The following BMPR1A variants were observed in gnomAD, a reference collection of about 807,000 sequenced individuals.
BMPR1A encodes the protein bone morphogenetic protein receptor type 1A, also known as bone morphogenetic protein receptor type-1A.
Under a neutral mutation model 66.0 loss-of-function variants are expected in BMPR1A, and 7 were observed. The ratio of observed to expected loss-of-function variants is 0.11; its 90% confidence interval spans 0.06 to 0.20. The LOEUF (loss-of-function observed/expected upper bound fraction) is 0.20. Ranked by LOEUF, BMPR1A falls within the 10% of genes least tolerant of loss-of-function variation. BMPR1A has a pLI of 1.00. For synonymous variants in BMPR1A, 200 were observed against 229.7 expected (o/e 0.87, Z 1.17); for missense variants, 408 against 669.1 (o/e 0.61, Z 4.31).
intron 2 of BMPR1A, chr10:86,855,905 T>G (rs571179942): frequency 9.1e-6 from 6 of 657,920 alleles, no homozygotes; most frequent in African/African-American, 1.8e-5. Context: ...CTTTTCAAAC[T>G]GGCTAGGATT....
chr10:86,795,416 G>GTTT (rs10536775), intron 1 of BMPR1A, among the ~76,000 whole-genome samples: 2 of 149,612 alleles, frequency 1.3e-5, no homozygotes. Flanking sequence ...AAAGTGATTT[G>GTTT]TTTTTTTTTT....
intron 7 of BMPR1A, among the ~76,000 whole-genome samples, chr10:86,902,475 T>C (rs1457395537): frequency 6.6e-6 from 1 of 152,148 alleles, no homozygotes; most frequent in Non-Finnish European, 1.5e-5. Context: ...AAGAACCCTA[T>C]CAGCCAGGTG....
chr10:86,855,876 T>A, intron 2 of BMPR1A: 1 of 714,782 alleles, frequency 1.4e-6, no homozygotes, highest in East Asian at 2.5e-5. Flanking sequence ...GAAGAACAAT[T>A]GCTAGAAGAT....
chr10:86,868,778 G>GTTTTTTTTTTTTTTTTTTTTT (rs55872033), intron 2 of BMPR1A, among the ~76,000 whole-genome samples: 1 of 141,038 alleles, frequency 7.1e-6, no homozygotes, highest in African/African-American at 2.6e-5. Context: ...CTTTTCCTGT[G>GTTTTTTTTTTTTTTTTTTTTT]TTTTTTTTTT....
chr10:86,931,812 C>T (rs533232135), downstream of BMPR1A: 12 of 152,032 alleles, frequency 7.9e-5, no homozygotes, highest in Non-Finnish European at 4.4e-5. Context: ...AATTTTCTCC[C>T]ATTATTTCTT....
intron 1 of BMPR1A, among the ~76,000 whole-genome samples, chr10:86,824,718 G>A (rs4934273): frequency 0.4 from 60,855 of 151,978 alleles, 12,821 homozygotes; most frequent in East Asian, 0.67. Flanking sequence ...GTGGGTGACA[G>A]TTGGGTTTTT....
chr10:86,903,454 G>A (rs1400862072), intron 7 of BMPR1A, among the ~76,000 whole-genome samples: 1 of 151,896 alleles, frequency 6.6e-6, no homozygotes, highest in Non-Finnish European at 1.5e-5. Flanking sequence ...TGAACATGAA[G>A]ACATAGGAAT....
chr10:86,823,526 A>G (rs1411500613), intron 1 of BMPR1A, among the ~76,000 whole-genome samples: 2 of 152,240 alleles, frequency 1.3e-5, no homozygotes, highest in African/African-American at 2.4e-5. Context: ...TTCCTAAAGA[A>G]TGGTAGATGC....
At chr10:86,808,957 A>G (rs1387021555) in intron 1 of BMPR1A, among the ~76,000 whole-genome samples, 1 of 152,154 alleles carries the variant, frequency 6.6e-6, no homozygotes, top group South Asian at 2.1e-4. Flanking sequence ...GTTTCTCAGT[A>G]TTTGAATTGT....
intron 1 of BMPR1A, among the ~76,000 whole-genome samples, chr10:86,780,719 G>A (rs149454428): frequency 1.4e-4 from 21 of 151,094 alleles, no homozygotes; most frequent in African/African-American, 4.6e-4. Context: ...AGGCGTGAGC[G>A]TGAGCCACCA....
intron 11 of BMPR1A, among the ~76,000 whole-genome samples, chr10:86,922,336 CTA>C (rs1256464162): frequency 1.3e-5 from 2 of 152,180 alleles, no homozygotes; most frequent in Non-Finnish European, 2.9e-5. Flanking sequence ...CACATCTTGG[CTA>C]TTGTGAACAG....
At chr10:86,891,510 A>G (rs10887664) in intron 4 of BMPR1A, among the ~76,000 whole-genome samples, 22,644 of 152,170 alleles carry the variant, frequency 0.15, 2,652 homozygotes, top group East Asian at 0.67. Flanking sequence ...CATACCTGTT[A>G]AAGTCTATAT....
intron 1 of BMPR1A, among the ~76,000 whole-genome samples, chr10:86,832,391 G>A (rs1034952025): frequency 1.3e-5 from 2 of 151,766 alleles, no homozygotes; most frequent in African/African-American, 4.8e-5. Context: ...GCTTGAACCC[G>A]GGAGGCAGAG....
chr10:86,798,889 C>G (rs1175440796), intron 1 of BMPR1A, among the ~76,000 whole-genome samples: 2 of 152,196 alleles, frequency 1.3e-5, no homozygotes, highest in Non-Finnish European at 2.9e-5. Flanking sequence ...GAGCTGAGCA[C>G]TGTGCCTTGT....
At chr10:86,796,643 C>A (rs1197570222) in intron 1 of BMPR1A, among the ~76,000 whole-genome samples, 1 of 151,630 alleles carries the variant, frequency 6.6e-6, no homozygotes, top group Non-Finnish European at 1.5e-5. Flanking sequence ...GTGGCATGAT[C>A]TCAGTTCACT....
intron 7 of BMPR1A, among the ~76,000 whole-genome samples, chr10:86,902,959 A>T (rs1485459931): frequency 2.0e-5 from 3 of 152,182 alleles, no homozygotes; most frequent in Non-Finnish European, 4.4e-5. Flanking sequence ...TGGTTGAAGG[A>T]CTCAGGAGGA....
chr10:86,907,555 C>G (rs928269070), intron 7 of BMPR1A, among the ~76,000 whole-genome samples: 7 of 116,434 alleles, frequency 6.0e-5, no homozygotes, highest in Admixed American at 2.3e-4. Context: ...TCATAATGGC[C>G]AAGATGTGGA....
intron 9 of BMPR1A, among the ~76,000 whole-genome samples, 184 bp from the exon 10 acceptor site, chr10:86,918,988 C>A (rs1238548510): frequency 6.6e-6 from 1 of 152,166 alleles, no homozygotes; most frequent in East Asian, 1.9e-4. Flanking sequence ...TGTAGAAGTA[C>A]AGATATATGT....
chr10:86,928,007 T>C (rs1003280343), downstream of BMPR1A: 1 of 175,486 alleles, frequency 5.7e-6, no homozygotes, highest in Non-Finnish European at 1.2e-5. Flanking sequence ...ACTCAGACGG[T>C]ATTGTGCATC....
Sources: allele counts gnomAD v4.1 joint callset (sites outside exome capture counted in the v4.1 genomes callset), GRCh38; gene constraint gnomAD v4.1.1; transcripts MANE v1.5; gene names NCBI Gene and HGNC (gene_info 2026-07-23, HGNC 2026-07-21).